EIF3E: variants seen among roughly 807,000 people sequenced by gnomAD.
EIF3E encodes eukaryotic translation initiation factor 3 subunit E, also known as eIF-3 p48.
EIF3E carries 25 observed loss-of-function variants against 59.3 expected under a neutral mutation model. That is an observed-to-expected ratio of 0.42 (90% CI 0.31 to 0.59). The LOEUF is 0.59. Among genes scored for constraint, EIF3E ranks in the 20% least tolerant of loss-of-function variants. The probability of loss-of-function intolerance (pLI) is 0.15; values close to 1 mark genes in which losing one functional copy is unlikely to be tolerated. For missense variants in EIF3E, 317 were observed against 534.3 expected (o/e 0.59, Z 4.01); for synonymous variants, 176 against 170.2 (o/e 1.03, Z -0.26).
chr8:108,205,835 T>C (rs1815091673), intron 10 of EIF3E, among the ~76,000 whole-genome samples: 1 of 152,200 alleles, frequency 6.6e-6, no homozygotes, highest in African/African-American at 2.4e-5. Flanking sequence ...TGGCATATTG[T>C]TATAATTGTT....
At chr8:108,240,919 A>C (rs931649319) in intron 2 of EIF3E, among the ~76,000 whole-genome samples, 3 of 151,156 alleles carry the variant, frequency 2.0e-5, no homozygotes, top group African/African-American at 7.3e-5. Context: ...GGCGGAGCTT[A>C]CAGTGAGCCG....
At chr8:108,241,172 A>T (rs1290371408) in intron 2 of EIF3E, among the ~76,000 whole-genome samples, 1 of 152,206 alleles carries the variant, frequency 6.6e-6, no homozygotes, top group Non-Finnish European at 1.5e-5. Flanking sequence ...TCTATGATCA[A>T]ATTTTGAGAA....
At chr8:108,240,147 T>C in intron 2 of EIF3E, 72 bp from the exon 3 acceptor site, 3 of 1,260,580 alleles carry the variant, frequency 2.4e-6, no homozygotes, top group Non-Finnish European at 3.5e-6. Flanking sequence ...TGAGAATGTC[T>C]GGAAATTTTT....
chr8:108,225,707 C>T (rs1360776926), intron 7 of EIF3E, among the ~76,000 whole-genome samples: 1 of 151,486 alleles, frequency 6.6e-6, no homozygotes, highest in Non-Finnish European at 1.5e-5. Flanking sequence ...ATTAATAAAA[C>T]ACACCTTTCT....
chr8:108,223,730 T>C (rs753855200), intron 7 of EIF3E, among the ~76,000 whole-genome samples: 71 of 146,708 alleles, frequency 4.8e-4, no homozygotes, highest in Middle Eastern at 3.4e-3. Context: ...CCTGCCACCT[T>C]ATCTTATATA....
At chr8:108,208,007 G>A (rs73700822) in intron 10 of EIF3E, among the ~76,000 whole-genome samples, 366 of 152,206 alleles carry the variant, frequency 2.4e-3, no homozygotes, top group African/African-American at 8.6e-3. Context: ...CTTAAGGACA[G>A]AAGATATATA....
intron 7 of EIF3E, among the ~76,000 whole-genome samples, chr8:108,219,176 T>C (rs985549364): frequency 1.3e-5 from 2 of 152,248 alleles, no homozygotes; most frequent in African/African-American, 2.4e-5. Context: ...GTTTGTTGTA[T>C]AGTGTGTTCA....
intron 5 of EIF3E, among the ~76,000 whole-genome samples, chr8:108,230,233 C>T (rs982003283): frequency 2.2e-4 from 34 of 152,026 alleles, no homozygotes; most frequent in Non-Finnish European, 4.0e-4. Flanking sequence ...ATCAGAAATC[C>T]AATCAAGAAT....
chr8:108,211,810 CAAT>C (rs1168209793), intron 10 of EIF3E, among the ~76,000 whole-genome samples: 1 of 152,136 alleles, frequency 6.6e-6, no homozygotes, highest in African/African-American at 2.4e-5. Context: ...ATAGCCTACT[CAAT>C]AAATCTGATT....
At chr8:108,236,892 G>A (rs1190495894) in intron 3 of EIF3E, among the ~76,000 whole-genome samples, 1 of 151,854 alleles carries the variant, frequency 6.6e-6, no homozygotes, top group Non-Finnish European at 1.5e-5. Flanking sequence ...CATGGTGGCG[G>A]GTGCCTGTAA....
chr8:108,212,921 GA>G (rs1049604894), intron 10 of EIF3E, among the ~76,000 whole-genome samples: 8 of 151,164 alleles, frequency 5.3e-5, no homozygotes, highest in African/African-American at 1.7e-4. Flanking sequence ...GCTACTACTA[GA>G]AAAAAAAATA....
rs74500752 is a variant in EIF3E at position 108,214,730 on chromosome 8, T to C, written c.952-14A>G. On this transcript the variant is annotated splice_polypyrimidine_tract_variant and intron_variant, in intron 9 of 12. Coordinates refer to ENST00000220849, the MANE Select transcript of EIF3E (RefSeq NM_001568.3). ...ATTCACAAGCACCTATATGTACAAA[T>C]ACAACAAAAATTAATGATGCTGACA... is the stretch of plus-strand genomic sequence containing the variant. The C allele has an allele frequency of 1.6e-3, 2,584 of 1,588,452 alleles. 49 individuals carry two copies. The African/African-American group carries it at 0.031, about 19-fold the overall frequency.
At chr8:108,203,285 G>A (rs1169533008) in intron 11 of EIF3E, 116 bp downstream of exon 11, 3 of 1,302,446 alleles carry the variant, frequency 2.3e-6, no homozygotes, top group Non-Finnish European at 1.1e-6. Flanking sequence ...TCAAAGAACT[G>A]TTTTACATTA....
At chr8:108,228,453 A>G in intron 6 of EIF3E, 62 bp from the exon 7 acceptor site, 14 of 1,245,056 alleles carry the variant, frequency 1.1e-5, no homozygotes, top group Non-Finnish European at 1.5e-5. Flanking sequence ...GCAGGAGGAC[A>G]AACATCACTA....
intron 3 of EIF3E, among the ~76,000 whole-genome samples, chr8:108,237,866 T>C (rs768685766): frequency 2.0e-5 from 3 of 152,214 alleles, no homozygotes; most frequent in Admixed American, 6.5e-5. Context: ...CGATACTATA[T>C]ATTCAATGAA....
Position 108,241,907 on chromosome 8 carries a change from T to C in EIF3E, c.97A>G (p.Asn33Asp), listed in dbSNP as rs1365822495. ...TTACCTTGTAATAATTCCTTTTCAT[T>C]ATATATCTGCAAAAGAAGATAACTT... ...LEFLSVKEIY[N>D]EKELLQGKLD... Residue 33 changes from asparagine (N) to aspartate (D), a missense_variant, in exon 2 of 13, where the codon AAT (asparagine) becomes GAT (aspartate). Coordinates refer to ENST00000220849, the MANE Select transcript of EIF3E (RefSeq NM_001568.3). 3.2e-6 allele frequency: 5 copies of C among 1,566,544 alleles called. No homozygotes were observed. Among genetic ancestry groups the C allele is most frequent in the Admixed American group, 3.9e-5 (2 of 51,946 alleles).
intron 1 of EIF3E, among the ~76,000 whole-genome samples, chr8:108,248,257 C>A (rs1051565684): frequency 7.2e-5 from 11 of 152,238 alleles, no homozygotes; most frequent in Non-Finnish European, 2.9e-5. Context: ...GCTCTAACAG[C>A]ACTCCAGGTT....
chr8:108,210,800 A>G (rs978666777), intron 10 of EIF3E, among the ~76,000 whole-genome samples: 13 of 151,802 alleles, frequency 8.6e-5, no homozygotes, highest in African/African-American at 1.9e-4. Context: ...CCTGTGTCCA[A>G]GTGTTCTCAT....
intron 7 of EIF3E, among the ~76,000 whole-genome samples, chr8:108,221,888 T>TCA (rs1267627676): frequency 8.5e-5 from 13 of 152,150 alleles, no homozygotes; most frequent in South Asian, 6.2e-4. Context: ...CATTTTCACA[T>TCA]CACAAAATAT....
Sources: allele counts gnomAD v4.1 joint callset (sites outside exome capture counted in the v4.1 genomes callset), GRCh38; gene constraint gnomAD v4.1.1; transcripts MANE v1.5; gene names NCBI Gene and HGNC (gene_info 2026-07-23, HGNC 2026-07-21).